The following LRRTM4 variants were observed in gnomAD, a reference collection of about 807,000 sequenced individuals.
LRRTM4 encodes leucine-rich repeat transmembrane neuronal protein 4.
In LRRTM4, 25 loss-of-function variants were observed where a neutral mutation model predicts 47.6. That is an observed-to-expected ratio of 0.53 (90% CI 0.38 to 0.73). The LOEUF (loss-of-function observed/expected upper bound fraction) is 0.73. Among genes scored for constraint, LRRTM4 ranks in the 30% least tolerant of loss-of-function variants. The pLI, the probability that LRRTM4 is intolerant of heterozygous loss-of-function variation, is 0.00. For synonymous variants in LRRTM4, 311 were observed against 269.5 expected, an observed-to-expected ratio of 1.15 and a Z score of -1.51; for missense variants, 638 against 713.4, an observed-to-expected ratio of 0.89 and a Z score of 1.20.
rs143304044 is a variant in LRRTM4 at position 76,979,170 on chromosome 2, C to T, written c.1552-230254G>A. Among the ~76,000 whole-genome samples, 496 of 152,082 alleles carry T rather than the reference C, an allele frequency of 3.3e-3. 4 individuals carry two copies. The highest frequency in any genetic ancestry group is 0.011 in the African/African-American group (469 of 41,518). On this transcript the variant is annotated intron_variant, in intron 3 of 3. Coordinates refer to ENST00000409884, the MANE Select transcript of LRRTM4 (RefSeq NM_001134745.3). ...GCATTATCAGACATGCATAGGATCA[C>T]ATATCAGGCATTTCTTGGGGACTCC... is the stretch of plus-strand genomic sequence containing the variant.
intron 3 of LRRTM4, among the ~76,000 whole-genome samples, chr2:77,077,754 C>T (rs1389429138): frequency 6.6e-6 from 1 of 152,076 alleles, no homozygotes; most frequent in Non-Finnish European, 1.5e-5. Flanking sequence ...CCCAAAAATG[C>T]TTCTCAGTCT....
chr2:77,323,580 G>A (rs906700993), intron 3 of LRRTM4, among the ~76,000 whole-genome samples: 1 of 151,970 alleles, frequency 6.6e-6, no homozygotes, highest in Non-Finnish European at 1.5e-5. Context: ...AGTAATTTCT[G>A]GTCAAAAGGC....
chr2:77,120,930 A>G (rs754835006), intron 3 of LRRTM4, among the ~76,000 whole-genome samples: 7 of 151,756 alleles, frequency 4.6e-5, no homozygotes, highest in African/African-American at 1.2e-4. Flanking sequence ...CAGTCATTCA[A>G]TGCAGAACCC....
intron 3 of LRRTM4, among the ~76,000 whole-genome samples, chr2:77,395,085 G>T (rs2103822560): frequency 6.6e-6 from 1 of 151,906 alleles, no homozygotes. Context: ...ATGGCCTTTG[G>T]TCTTGTTTAT....
At chr2:77,045,523 G>A (rs1679204620) in intron 3 of LRRTM4, among the ~76,000 whole-genome samples, 1 of 151,906 alleles carries the variant, frequency 6.6e-6, no homozygotes, top group African/African-American at 2.4e-5. Context: ...GAATTCTCAT[G>A]TGTTGTGGGA....
intron 3 of LRRTM4, among the ~76,000 whole-genome samples, chr2:76,874,218 T>A (rs534164870): frequency 6.6e-6 from 1 of 151,988 alleles, no homozygotes; most frequent in Non-Finnish European, 1.5e-5. Flanking sequence ...TGTCTCATCT[T>A]AGAAAACAGT....
intron 3 of LRRTM4, among the ~76,000 whole-genome samples, chr2:76,975,042 T>G (rs1676371383): frequency 6.6e-6 from 1 of 151,790 alleles, no homozygotes; most frequent in South Asian, 2.1e-4. Flanking sequence ...TACAGTGATA[T>G]GCTGATCAGT....
At chr2:77,274,896 T>C (rs1366453373) in intron 3 of LRRTM4, among the ~76,000 whole-genome samples, 1 of 152,160 alleles carries the variant, frequency 6.6e-6, no homozygotes, top group Non-Finnish European at 1.5e-5. Context: ...AAGGATTTGG[T>C]AGCCCTCATT....
At chr2:77,187,657 G>A (rs551248953) in intron 3 of LRRTM4, among the ~76,000 whole-genome samples, 1 of 151,832 alleles carries the variant, frequency 6.6e-6, no homozygotes. Flanking sequence ...TACAAAAAAA[G>A]ATATCTATTC....
intron 3 of LRRTM4, among the ~76,000 whole-genome samples, chr2:77,246,639 T>A (rs1675454089): frequency 6.6e-6 from 1 of 152,078 alleles, no homozygotes; most frequent in Admixed American, 6.6e-5. Context: ...GACATTATCC[T>A]CTGATTTTCC....
chr2:77,413,863 C>T (rs922396440), intron 3 of LRRTM4, among the ~76,000 whole-genome samples: 3 of 151,978 alleles, frequency 2.0e-5, no homozygotes, highest in Non-Finnish European at 4.4e-5. Flanking sequence ...CACACACACA[C>T]ACACAAAACC....
intron 3 of LRRTM4, among the ~76,000 whole-genome samples, chr2:76,884,986 T>C (rs1046591233): frequency 6.6e-6 from 1 of 152,078 alleles, no homozygotes; most frequent in Admixed American, 6.6e-5. Context: ...GTAAGCAGAA[T>C]TGCATTATAT....
At chr2:77,068,337 T>C (rs1410474956) in intron 3 of LRRTM4, among the ~76,000 whole-genome samples, 1 of 152,160 alleles carries the variant, frequency 6.6e-6, no homozygotes, top group African/African-American at 2.4e-5. Context: ...AAGTCACCTT[T>C]GTAAAGCATA....
intron 3 of LRRTM4, among the ~76,000 whole-genome samples, chr2:76,909,840 G>T (rs1367613495): frequency 6.6e-6 from 1 of 152,156 alleles, no homozygotes; most frequent in Admixed American, 6.5e-5. Context: ...AAAAAGGCAG[G>T]AAACAACAGG....
chr2:77,140,668 T>G (rs1354819859), intron 3 of LRRTM4, among the ~76,000 whole-genome samples: 3 of 152,086 alleles, frequency 2.0e-5, no homozygotes, highest in African/African-American at 7.2e-5. Flanking sequence ...CAAAAGAAAC[T>G]ACCATCACAG....
At chr2:77,518,083 T>TA in intron 3 of LRRTM4, 1 of 1,266,744 alleles carries the variant, frequency 7.9e-7, no homozygotes, top group Non-Finnish European at 9.9e-7. Flanking sequence ...CATAGTGCTT[T>TA]ATTCCAACTT....
At chr2:77,455,689 G>A (rs946120344) in intron 3 of LRRTM4, among the ~76,000 whole-genome samples, 2 of 151,792 alleles carry the variant, frequency 1.3e-5, no homozygotes, top group African/African-American at 4.8e-5. Flanking sequence ...TGTGCATTCT[G>A]TCCTCATCCT....
intron 3 of LRRTM4, among the ~76,000 whole-genome samples, chr2:77,013,427 G>T (rs1016471277): frequency 6.6e-6 from 1 of 151,956 alleles, no homozygotes; most frequent in African/African-American, 2.4e-5. Flanking sequence ...AGGGAAAATC[G>T]CCTTGTAATG....
chr2:77,150,595 T>C (rs1672391192), intron 3 of LRRTM4, among the ~76,000 whole-genome samples: 1 of 152,154 alleles, frequency 6.6e-6, no homozygotes, highest in African/African-American at 2.4e-5. Flanking sequence ...TAAACCAATC[T>C]ATAAGACATA....
Sources: gnomAD v4.1 joint callset for allele counts (sites outside exome capture counted in the v4.1 genomes callset) on GRCh38, gnomAD v4.1.1 for gene constraint, MANE v1.5 for transcripts, NCBI Gene and HGNC (gene_info 2026-07-23, HGNC 2026-07-21) for gene names.